Variants in PRUNE2 observed in about 807,000 individuals in gnomAD.
The protein encoded by PRUNE2 is protein prune homolog 2.
A neutral mutation model predicts 252.0 loss-of-function variants in PRUNE2; 164 were observed. The observed-to-expected ratio is 0.65, with a 90% CI of 0.57 to 0.74. The LOEUF is 0.74. PRUNE2 is among the 30% of genes least tolerant of loss of function. The pLI, the probability that PRUNE2 is intolerant of heterozygous loss-of-function variation, is 0.00. For synonymous variants in PRUNE2, 1,292 were observed against 1,350.2 expected (o/e 0.96, Z 0.94); for missense variants, 3,495 against 3,711.0 (o/e 0.94, Z 1.51).
intron 6 of PRUNE2, among the ~76,000 whole-genome samples, chr9:76,782,100 G>A (rs1215354029): frequency 6.6e-6 from 1 of 152,190 alleles, no homozygotes; most frequent in East Asian, 1.9e-4. Flanking sequence ...TGTAGTCCCA[G>A]CTACTGGGGA....
intron 4 of PRUNE2, among the ~76,000 whole-genome samples, chr9:76,830,269 G>T (rs540959353): frequency 6.6e-6 from 1 of 152,346 alleles, no homozygotes; most frequent in African/African-American, 2.4e-5. Context: ...CCTTGGAAAG[G>T]AGAGAATGGA....
At chr9:76,644,141 G>C (rs902177638) in intron 12 of PRUNE2, among the ~76,000 whole-genome samples, 5 of 152,128 alleles carry the variant, frequency 3.3e-5, no homozygotes, top group Admixed American at 6.5e-5. Flanking sequence ...GAAAGTGCTG[G>C]AAATACAAAC....
At chr9:76,735,301 A>T (rs2048978058) in intron 6 of PRUNE2, among the ~76,000 whole-genome samples, 1 of 152,214 alleles carries the variant, frequency 6.6e-6, no homozygotes, top group South Asian at 2.1e-4. Flanking sequence ...CAGAGAAATG[A>T]ACATTTGCAG....
At chr9:76,690,988 T>G (rs796728570) in intron 9 of PRUNE2, among the ~76,000 whole-genome samples, 1 of 152,224 alleles carries the variant, frequency 6.6e-6, no homozygotes, top group Non-Finnish European at 1.5e-5. Context: ...CCATGGGTCA[T>G]TTTTTTGATT....
At position 76,711,088 on chromosome 9, in the gene PRUNE2, G is replaced by T; in HGVS notation, c.1186C>A (p.Gln396Lys). 1 of 1,613,958 alleles carries T rather than the reference G, an allele frequency of 6.2e-7. No homozygotes were observed. Among genetic ancestry groups the T allele is most frequent in the Admixed American group, 1.7e-5 (1 of 60,026 alleles). The change falls in exon 8 of 19, where the codon CAA becomes AAA. Residue 396 changes from glutamine (Q) to lysine (K), a missense_variant. Coordinates refer to ENST00000376718, the MANE Select transcript of PRUNE2 (RefSeq NM_015225.3). ...MELYGSDIEPQPSSVNFIENP... is the reference protein window; with the variant it reads ...MELYGSDIEPKPSSVNFIENP... ...TCTATGAAATTCACAGAGCTGGGTT[G>T]TGGCTCTATGTCAGAACCATACAAT... is the stretch of plus-strand genomic sequence containing the variant.
chr9:76,881,352 C>A (rs1478958221), intron 1 of PRUNE2, among the ~76,000 whole-genome samples: 1 of 152,076 alleles, frequency 6.6e-6, no homozygotes, highest in Non-Finnish European at 1.5e-5. Flanking sequence ...AAATGCCATG[C>A]ATGGGGTTGT....
chr9:76,629,691 A>C (rs1836634556), intron 15 of PRUNE2, among the ~76,000 whole-genome samples: 1 of 151,868 alleles, frequency 6.6e-6, no homozygotes, highest in African/African-American at 2.4e-5. Context: ...CATGTTGTTC[A>C]ATAGGGCTCT....
At chr9:76,859,350 T>C (rs1468000853) in intron 1 of PRUNE2, among the ~76,000 whole-genome samples, 2 of 152,158 alleles carry the variant, frequency 1.3e-5, no homozygotes, top group African/African-American at 4.8e-5. Flanking sequence ...AATGGCCCAT[T>C]AAATGAAGCT....
At chr9:76,822,545 C>A (rs368259005) in intron 6 of PRUNE2, among the ~76,000 whole-genome samples, 1 of 152,266 alleles carries the variant, frequency 6.6e-6, no homozygotes, top group Non-Finnish European at 1.5e-5. Context: ...TGGTGGCTCA[C>A]GCCAGTAATC....
At chr9:76,715,778 A>ATG (rs1418463960) in intron 6 of PRUNE2, among the ~76,000 whole-genome samples, 2 of 152,328 alleles carry the variant, frequency 1.3e-5, no homozygotes, top group African/African-American at 4.8e-5. Flanking sequence ...CTCATATACA[A>ATG]TGTGTGTTCA....
In PRUNE2 at chr9:76,711,302, G is replaced by T. The variant is rs1211925449; in HGVS notation, c.972C>A (p.Asp324Glu). The change falls in exon 8 of 19, where the codon GAC becomes GAA. Residue 324 changes from aspartate to glutamate, a missense_variant. Physicochemically the swap from Asp to Glu is conservative, Grantham distance 45. Coordinates refer to ENST00000376718, the MANE Select transcript of PRUNE2 (RefSeq NM_015225.3). ...QNPCLELEPFDCGCDEILVYQ... is the reference protein window; with the variant it reads ...QNPCLELEPFECGCDEILVYQ... ...ACACCAGGATCTCATCACAGCCACA[G>T]TCAAAGGGCTCCAGTTCTAGGCAAG... 6.2e-7 allele frequency: 1 copy of T among 1,613,798 alleles called. No homozygotes were observed.
intron 4 of PRUNE2, among the ~76,000 whole-genome samples, chr9:76,834,733 A>G (rs1021447272): frequency 1.3e-5 from 2 of 152,390 alleles, no homozygotes; most frequent in Non-Finnish European, 2.9e-5. Context: ...AAACTAACTC[A>G]GAAAAATGCT....
chr9:76,826,107 A>C (rs1218370823), intron 5 of PRUNE2, among the ~76,000 whole-genome samples: 1 of 152,224 alleles, frequency 6.6e-6, no homozygotes, highest in Non-Finnish European at 1.5e-5. Context: ...GTCTATTTGC[A>C]GGGGAGTCAA....
At chr9:76,902,049 G>A (rs868050196) in intron 1 of PRUNE2, among the ~76,000 whole-genome samples, 2 of 152,160 alleles carry the variant, frequency 1.3e-5, no homozygotes, top group African/African-American at 4.8e-5. Flanking sequence ...GGGGGTCTGG[G>A]CAGTGAGGGA....
chr9:76,835,831 T>C (rs1415589664), intron 4 of PRUNE2, among the ~76,000 whole-genome samples: 4 of 152,202 alleles, frequency 2.6e-5, no homozygotes, highest in Admixed American at 1.3e-4. Context: ...TCCAGGCTAC[T>C]AAAATAGCAA....
chr9:76,690,031 A>T (rs557936905), intron 9 of PRUNE2, among the ~76,000 whole-genome samples: 1 of 152,144 alleles, frequency 6.6e-6, no homozygotes, highest in African/African-American at 2.4e-5. Flanking sequence ...TGCCCCTCTT[A>T]TGGGGCCAGA....
At chr9:76,691,472 A>C (rs1324910644) in intron 9 of PRUNE2, among the ~76,000 whole-genome samples, 3 of 152,232 alleles carry the variant, frequency 2.0e-5, no homozygotes, top group African/African-American at 7.2e-5. Flanking sequence ...CTTTCAGTAG[A>C]GTATTCTTTC....
chr9:76,839,362 G>C (rs1438049485), intron 4 of PRUNE2, among the ~76,000 whole-genome samples: 1 of 152,196 alleles, frequency 6.6e-6, no homozygotes, highest in African/African-American at 2.4e-5. Context: ...GGAAGCAAGA[G>C]GGAAGAGGAG....
intron 9 of PRUNE2, among the ~76,000 whole-genome samples, chr9:76,694,709 G>C (rs2045208934): frequency 6.6e-6 from 1 of 152,124 alleles, no homozygotes; most frequent in Non-Finnish European, 1.5e-5. Context: ...CTCAGAGTAT[G>C]CTGGGCATTT....
Sources: allele counts gnomAD v4.1 joint callset (sites outside exome capture counted in the v4.1 genomes callset), GRCh38; gene constraint gnomAD v4.1.1; transcripts MANE v1.5; gene names NCBI Gene and HGNC (gene_info 2026-07-23, HGNC 2026-07-21).